MYO5C: variants seen among roughly 807,000 people sequenced by gnomAD.
MYO5C encodes the protein unconventional myosin-Vc.
MYO5C carries 194 observed loss-of-function variants against 235.7 expected under a neutral mutation model. The observed-to-expected ratio is 0.82, with a 90% CI of 0.73 to 0.93. MYO5C has a LOEUF of 0.93. Among genes scored for constraint, MYO5C ranks in the 40% least tolerant of loss-of-function variants. MYO5C has a pLI of 0.00. For missense variants in MYO5C, 2,038 were observed against 2,127.2 expected (o/e 0.96, Z 0.82); for synonymous variants, 707 against 754.8 (o/e 0.94, Z 1.04).
intron 1 of MYO5C, among the ~76,000 whole-genome samples, chr15:52,290,254 C>A (rs942933416): frequency 2.0e-5 from 3 of 152,094 alleles, no homozygotes; most frequent in Non-Finnish European, 4.4e-5. Flanking sequence ...TCAGTTGCAC[C>A]AATTAAAGAC....
chr15:52,287,976 CAAA>C (rs545444260), intron 1 of MYO5C, among the ~76,000 whole-genome samples: 1 of 123,144 alleles, frequency 8.1e-6, no homozygotes, highest in African/African-American at 2.9e-5. Context: ...AACTCCGTCT[CAAA>C]AAAAAAAAAA....
intron 23 of MYO5C, among the ~76,000 whole-genome samples, chr15:52,235,017 G>A (rs1290266517): frequency 6.6e-6 from 1 of 152,150 alleles, no homozygotes; most frequent in African/African-American, 2.4e-5. Context: ...TGCCTTTTCT[G>A]GGGTACAACA....
At chr15:52,291,930 G>A (rs914347666) in intron 1 of MYO5C, among the ~76,000 whole-genome samples, 2 of 151,510 alleles carry the variant, frequency 1.3e-5, no homozygotes, top group South Asian at 2.1e-4. Flanking sequence ...TAGTAGAGAC[G>A]GGGTTTCACC....
intron 32 of MYO5C, among the ~76,000 whole-genome samples, chr15:52,215,822 C>T (rs895801207): frequency 6.6e-6 from 1 of 152,188 alleles, no homozygotes; most frequent in Non-Finnish European, 1.5e-5. Context: ...AGTTATACTG[C>T]AGACGTTTTC....
chr15:52,193,609 G>C lies in MYO5C; in HGVS notation c.*293C>G, dbSNP rs1340153279. The C allele has an allele frequency of 2.9e-6, 1 of 344,972 alleles. No individual in the cohort carries two copies. 21.4% of individuals were successfully genotyped at this position (344,972 alleles called of 1,614,324 possible). ...TAGAGCCCTGCCACAAGACAGAACA[G>C]ATCAAGAGGCACGTGGAAGAAAATA... On this transcript the variant is annotated 3_prime_UTR_variant, in exon 41 of 41. Transcript: ENST00000261839.
rs1184576012 is a variant in MYO5C, at chr15:52,193,896, C to G, written c.*6G>C. 3.1e-6 allele frequency: 5 copies of G among 1,601,446 alleles called. No individual in the cohort carries two copies. The African/African-American group carries it at 6.7e-5, about 22-fold the overall frequency. On this transcript the variant is annotated 3_prime_UTR_variant, in exon 41 of 41. Transcript: ENST00000261839. ...TGAAGAAAAAGTGCATTGACTTTTT[C>G]TCCTGCTATAACCTATTCAGAAAGC...
rs753094135 is a variant in MYO5C at position 52,269,694 on chromosome 15, A to ATT, written c.940+57_940+58dup. ...GTGTGAGCCACCACGCCTGGCCTTAATTTTTTTTTTTTTTTAAGAGAAAAT... is the reference window on the plus strand; with the variant it reads ...GTGTGAGCCACCACGCCTGGCCTTAATTTTTTTTTTTTTTTTTAAGAGAAAAT... On this transcript the variant is annotated intron_variant, in intron 8 of 40. Coordinates refer to ENST00000261839, the MANE Select transcript of MYO5C (RefSeq NM_018728.4). 1,983 of 1,011,518 alleles carry ATT rather than the reference A, an allele frequency of 2.0e-3. 4 individuals carry two copies. The highest frequency in any genetic ancestry group is 0.013 in the African/African-American group (739 of 57,998). 62.7% of individuals were successfully genotyped at this position (1,011,518 alleles called of 1,614,324 possible). A position where few individuals can be genotyped will look rare whatever the true frequency, so the allele number is the denominator to read the frequency against.
chr15:52,202,872 T>A (rs1056621922), intron 38 of MYO5C, among the ~76,000 whole-genome samples: 1 of 151,960 alleles, frequency 6.6e-6, no homozygotes, highest in African/African-American at 2.4e-5. Flanking sequence ...TTTTAAAAAA[T>A]TTTTCTGGGT....
intron 8 of MYO5C, among the ~76,000 whole-genome samples, chr15:52,268,073 C>T (rs1261718631): frequency 6.6e-6 from 1 of 152,236 alleles, no homozygotes; most frequent in Non-Finnish European, 1.5e-5. Context: ...AGGGAACAGT[C>T]TGATGGTGAT....
intron 38 of MYO5C, among the ~76,000 whole-genome samples, chr15:52,199,326 G>A (rs916159956): frequency 1.3e-5 from 2 of 152,212 alleles, no homozygotes; most frequent in Non-Finnish European, 2.9e-5. Flanking sequence ...ACTCAAAGAT[G>A]TGTGGTGGGT....
Position 52,257,612 on chromosome 15 carries a change from G to T in MYO5C, c.1314-892C>A, listed in dbSNP as rs570310763. On this transcript the variant is annotated intron_variant, in intron 10 of 40. Coordinates refer to ENST00000261839, the MANE Select transcript of MYO5C (RefSeq NM_018728.4). ...AGGCAGCTTGCTGAGCACTTTTAAG[G>T]TGTCAGCATTTATGCACGTCACCTC... Among the ~76,000 whole-genome samples the T allele has an allele frequency of 1.8e-3, 270 of 152,262 alleles. 3 individuals carry two copies. Among genetic ancestry groups the T allele is most frequent in the African/African-American group, 6.1e-3 (255 of 41,532 alleles).
chr15:52,245,311 T>C, intron 18 of MYO5C, 43 bp downstream of exon 18: 1 of 1,286,500 alleles, frequency 7.8e-7, no homozygotes, highest in Non-Finnish European at 1.1e-6. Flanking sequence ...GGAGATGTGC[T>C]TCCAGGAAGG....
intron 4 of MYO5C, among the ~76,000 whole-genome samples, chr15:52,278,548 A>AG (rs1228527314): frequency 6.6e-6 from 1 of 152,160 alleles, no homozygotes; most frequent in Non-Finnish European, 1.5e-5. Flanking sequence ...TAAAAAAAAA[A>AG]AAAGCTTAAA....
At chr15:52,217,128 C>G (rs751994132) in intron 32 of MYO5C, among the ~76,000 whole-genome samples, 16 of 152,226 alleles carry the variant, frequency 1.1e-4, no homozygotes, top group Non-Finnish European at 2.1e-4. Flanking sequence ...GATCAGGTCT[C>G]ATTTGTGGGT....
At chr15:52,241,908 GA>G in intron 20 of MYO5C, 139 bp downstream of exon 20, 1 of 985,652 alleles carries the variant, frequency 1.0e-6, no homozygotes, top group South Asian at 1.6e-5. Context: ...ACAGCACCTG[GA>G]AGAATCTCCT....
chr15:52,287,736 G>A (rs532286058), intron 1 of MYO5C, among the ~76,000 whole-genome samples: 26 of 152,248 alleles, frequency 1.7e-4, no homozygotes, highest in African/African-American at 6.0e-4. Context: ...CAGCACTTTG[G>A]GAGGCCGAGG....
chr15:52,274,653 T>G (rs2036999099), intron 5 of MYO5C, among the ~76,000 whole-genome samples: 1 of 150,052 alleles, frequency 6.7e-6, no homozygotes, highest in Non-Finnish European at 1.5e-5. Context: ...ATTATGAGCT[T>G]TGCAGTGTTT....
In MYO5C at chr15:52,213,313, A is replaced by T. The variant is rs761091327; in HGVS notation, c.4043-27T>A. 4 of 1,548,276 alleles carry T rather than the reference A, an allele frequency of 2.6e-6. No individual in the cohort carries two copies. The African/African-American group carries it at 5.4e-5, about 21-fold the overall frequency. The stretch of plus-strand genomic sequence containing the variant: ...TGTAGACAGAGGCAAACAATCAGCT[A>T]AATACACAAAAGCAGCTTTCACAGG... On this transcript the variant is annotated intron_variant, in intron 33 of 40. Coordinates refer to ENST00000261839, the MANE Select transcript of MYO5C (RefSeq NM_018728.4).
In MYO5C at chr15:52,194,057, G is replaced by GA; in HGVS notation, c.5077-4dup. 1 of 1,606,250 alleles carries GA rather than the reference G, an allele frequency of 6.2e-7. No homozygotes were observed. The highest frequency in any genetic ancestry group is 8.5e-7 in the Non-Finnish European group (1 of 1,177,850). On this transcript the variant is annotated splice_polypyrimidine_tract_variant and splice_region_variant and intron_variant, in intron 40 of 40. Coordinates refer to ENST00000261839, the MANE Select transcript of MYO5C (RefSeq NM_018728.4). ...TCCTCCCGGCTATTTAGGAGAGCCTGAAATTAGAATCAGAGGAAAAATGAG... is the reference window on the plus strand; with the variant it reads ...TCCTCCCGGCTATTTAGGAGAGCCTGAAAATTAGAATCAGAGGAAAAATGAG...
Sources: gnomAD v4.1 joint callset for allele counts (sites outside exome capture counted in the v4.1 genomes callset) on GRCh38, gnomAD v4.1.1 for gene constraint, MANE v1.5 for transcripts, NCBI Gene and HGNC (gene_info 2026-07-23, HGNC 2026-07-21) for gene names.